The following ADAM7 variants were observed in gnomAD, a reference collection of about 807,000 sequenced individuals.
ADAM7 encodes disintegrin and metalloproteinase domain-containing protein 7.
A neutral mutation model predicts 102.9 loss-of-function variants in ADAM7; 97 were observed. The ratio of observed to expected loss-of-function variants is 0.94; its 90% confidence interval spans 0.80 to 1.12. ADAM7 has a LOEUF of 1.12. Among genes scored for constraint, ADAM7 ranks in the 50% most tolerant of loss-of-function variants. The pLI is 0.00. For missense variants in ADAM7, 991 were observed against 908.7 expected (o/e 1.09, Z -1.16); for synonymous variants, 334 against 304.4 (o/e 1.10, Z -1.01).
intron 16 of ADAM7, among the ~76,000 whole-genome samples, chr8:24,495,522 G>A (rs1362297328): frequency 6.6e-6 from 1 of 152,136 alleles, no homozygotes; most frequent in Non-Finnish European, 1.5e-5. Flanking sequence ...CAGTGAATGA[G>A]TTCAACAGAA....
chr8:24,472,135 A>C (rs978077228), intron 7 of ADAM7, among the ~76,000 whole-genome samples: 3 of 151,674 alleles, frequency 2.0e-5, no homozygotes, highest in East Asian at 1.9e-4. Flanking sequence ...AAAAAAAAAA[A>C]AAACAGGTTT....
chr8:24,475,729 TA>T (rs1393786318), intron 7 of ADAM7, among the ~76,000 whole-genome samples: 1 of 152,174 alleles, frequency 6.6e-6, no homozygotes, highest in East Asian at 1.9e-4. Flanking sequence ...TTCTTATTTT[TA>T]TTATGAAAGA....
chr8:24,476,491 A>G lies in ADAM7; in HGVS notation c.692A>G (p.Asn231Ser). 2 of 1,608,312 alleles carry G rather than the reference A, an allele frequency of 1.2e-6. No homozygotes were observed. The highest frequency in any genetic ancestry group is 2.2e-5 in the East Asian group (1 of 44,736). ...KLRNRIWGMV[N>S]FVNMIYKTLN... ...AGGAACCGAATTTGGGGAATGGTCA[A>G]TTTTGTCAACATGGTAAGATTTGAT... The change falls in exon 8 of 22, where the codon AAT becomes AGT. Residue 231 changes from asparagine to serine, a missense_variant. By Grantham distance (46) the Asn-to-Ser change is conservative. Coordinates refer to ENST00000175238, the MANE Select transcript of ADAM7 (RefSeq NM_003817.4).
intron 6 of ADAM7, 25 bp downstream of exon 6, chr8:24,467,013 C>T (rs1819448613): frequency 4.4e-6 from 7 of 1,584,348 alleles, no homozygotes; most frequent in Admixed American, 1.7e-5. Flanking sequence ...ATTATCTTTA[C>T]CCCAAATGAA....
At position 24,509,472 on chromosome 8, in the gene ADAM7, T is replaced by C; in HGVS notation, c.*926T>C. The C allele has an allele frequency of 1.0e-6, 1 of 981,242 alleles. No individual in the cohort carries two copies. Among genetic ancestry groups the C allele is most frequent in the South Asian group, 4.7e-5 (1 of 21,210 alleles). 60.8% of individuals were successfully genotyped at this position (981,242 alleles called of 1,614,324 possible). ...TGAACTGTTAAAGCTACATGCATTA[T>C]TTTTTTTCCATTTACTGAAATAAAG... On this transcript the variant is annotated 3_prime_UTR_variant, in exon 22 of 22. Coordinates refer to ENST00000175238, the MANE Select transcript of ADAM7 (RefSeq NM_003817.4).
In ADAM7 at chr8:24,487,981, T is replaced by C. The variant is rs1054296253; in HGVS notation, c.1091+664T>C. ...GCTATAATGTCTTCCTTCACATCTTTACTCAAATGTTATTCCCACCGATGT... is the reference window on the plus strand; with the variant it reads ...GCTATAATGTCTTCCTTCACATCTTCACTCAAATGTTATTCCCACCGATGT... On this transcript the variant is annotated intron_variant, in intron 11 of 21. Transcript: ENST00000175238. Among the ~76,000 whole-genome samples, 5 of 152,164 alleles carry C rather than the reference T, an allele frequency of 3.3e-5. No individual in the cohort carries two copies. The East Asian group carries it at 5.8e-4, about 18-fold the overall frequency.
chr8:24,508,477 G>A, intron 21 of ADAM7, 69 bp from the exon 22 acceptor site: 5 of 1,482,020 alleles, frequency 3.4e-6, no homozygotes, highest in South Asian at 2.3e-5. Flanking sequence ...ATATAAATGA[G>A]TAATGGAAAT....
At chr8:24,506,341 G>A (rs1820950661) in intron 20 of ADAM7, among the ~76,000 whole-genome samples, 1 of 152,058 alleles carries the variant, frequency 6.6e-6, no homozygotes, top group Admixed American at 6.6e-5. Context: ...TTAACAGGGT[G>A]GGGGTTAGGG....
chr8:24,489,588 A>C (rs911728834), intron 12 of ADAM7, among the ~76,000 whole-genome samples: 1 of 152,092 alleles, frequency 6.6e-6, no homozygotes, highest in African/African-American at 2.4e-5. Flanking sequence ...TTAATATATA[A>C]TTGGTTCTGC....
At chr8:24,472,190 G>A (rs1272717192) in intron 7 of ADAM7, among the ~76,000 whole-genome samples, 1 of 148,980 alleles carries the variant, frequency 6.7e-6, no homozygotes, top group African/African-American at 2.5e-5. Flanking sequence ...ATCAGAAAAT[G>A]TAAGGTCAAG....
intron 3 of ADAM7, among the ~76,000 whole-genome samples, chr8:24,455,180 A>T (rs955088660): frequency 1.3e-5 from 2 of 152,172 alleles, no homozygotes; most frequent in Non-Finnish European, 2.9e-5. Flanking sequence ...GAATTGAAAA[A>T]AATCCATATA....
At chr8:24,463,095 C>G (rs1819303511) in intron 3 of ADAM7, among the ~76,000 whole-genome samples, 1 of 152,068 alleles carries the variant, frequency 6.6e-6, no homozygotes, top group Non-Finnish European at 1.5e-5. Context: ...AAGTTTGCTA[C>G]ATTTTTATTA....
chr8:24,509,400 A>C lies in ADAM7; in HGVS notation c.*854A>C. ...GGGAATGATTTCAGCTGCTTCTTAC[A>C]CAGATGCCTCTCAAGGTGTTCTTTT... is the stretch of plus-strand genomic sequence containing the variant. On this transcript the variant is annotated 3_prime_UTR_variant, in exon 22 of 22. Transcript: ENST00000175238. The C allele has an allele frequency of 1.0e-6, 1 of 985,410 alleles. No homozygotes were observed. The allele number at this position is 985,410 out of a possible 1,614,324, so 61.0% of individuals were successfully genotyped here.
At chr8:24,463,376 G>A (rs1219091761) in intron 3 of ADAM7, among the ~76,000 whole-genome samples, 4 of 152,130 alleles carry the variant, frequency 2.6e-5, no homozygotes. Flanking sequence ...CACTGCAATG[G>A]TAGGGTCTTG....
At chr8:24,490,978 C>T in intron 13 of ADAM7, 90 bp downstream of exon 13, 1 of 1,252,454 alleles carries the variant, frequency 8.0e-7, no homozygotes, top group Non-Finnish European at 1.1e-6. Context: ...CAGCCCTGCA[C>T]CACTGACTCC....
intron 7 of ADAM7, among the ~76,000 whole-genome samples, chr8:24,469,607 G>A (rs970796372): frequency 2.0e-5 from 3 of 151,944 alleles, no homozygotes; most frequent in Non-Finnish European, 4.4e-5. Context: ...ATGAGGAAGA[G>A]TCAATCAACT....
Position 24,509,297 on chromosome 8 carries a change from T to C in ADAM7, c.*751T>C. The stretch of plus-strand genomic sequence containing the variant: ...AAGGGTTTCTAAGGTCTTTGTCCTG[T>C]GCAATTTGACAATGTGCCATTTCTG... On this transcript the variant is annotated 3_prime_UTR_variant, in exon 22 of 22. Transcript: ENST00000175238. 2.0e-6 allele frequency: 2 copies of C among 985,438 alleles called. No homozygotes were observed. Among genetic ancestry groups the C allele is most frequent in the Non-Finnish European group, 2.4e-6 (2 of 829,940 alleles). The allele number at this position is 985,438 out of a possible 1,614,324, so 61.0% of individuals were successfully genotyped here.
At chr8:24,471,677 A>G (rs1256447023) in intron 7 of ADAM7, among the ~76,000 whole-genome samples, 1 of 152,110 alleles carries the variant, frequency 6.6e-6, no homozygotes, top group Non-Finnish European at 1.5e-5. Context: ...TGATGTTTGC[A>G]CAAAGAAGAA....
At chr8:24,445,693 T>A (rs1015061815) in intron 2 of ADAM7, among the ~76,000 whole-genome samples, 1 of 152,228 alleles carries the variant, frequency 6.6e-6, no homozygotes, top group Non-Finnish European at 1.5e-5. Flanking sequence ...TGCTATGGCA[T>A]GTTTCTGCCT....
Sources: allele counts gnomAD v4.1 joint callset (sites outside exome capture counted in the v4.1 genomes callset), GRCh38; gene constraint gnomAD v4.1.1; transcripts MANE v1.5; gene names NCBI Gene and HGNC (gene_info 2026-07-23, HGNC 2026-07-21).